The following UGT2B11 variants were observed in gnomAD, a reference collection of about 807,000 sequenced individuals.
The protein encoded by UGT2B11 is UDP glucuronosyltransferase family 2 member B11, also known as UDP-glucuronosyltransferase 2B11.
UGT2B11 carries 49 observed loss-of-function variants against 51.7 expected under a neutral mutation model. The observed-to-expected ratio is 0.95, with a 90% CI of 0.75 to 1.20. UGT2B11 has a LOEUF of 1.20. Ranked by LOEUF, UGT2B11 falls within the 50% of genes most tolerant of loss-of-function variation. The pLI, the probability that UGT2B11 is intolerant of heterozygous loss-of-function variation, is 0.00. For missense variants in UGT2B11, 810 were observed against 622.1 expected (o/e 1.30, Z -3.21); for synonymous variants, 273 against 209.0 (o/e 1.31, Z -2.64).
intron 2 of UGT2B11, among the ~76,000 whole-genome samples, chr4:69,211,630 C>A (rs534607887): frequency 5.1e-4 from 77 of 151,570 alleles, no homozygotes; most frequent in African/African-American, 1.9e-3. Flanking sequence ...CCACACAACA[C>A]AATATGAAGT....
In UGT2B11 at chr4:69,212,663, G is replaced by A. The variant is rs759583128; in HGVS notation, c.780C>T (p.Asn260=). 7.5e-6 allele frequency: 12 copies of A among 1,610,526 alleles called. No individual in the cohort carries two copies. Among genetic ancestry groups the A allele is most frequent in the African/African-American group, 1.3e-5 (1 of 74,710 alleles). ...MGKADIWLMR[N]SWSFQFPHPF... ...GATGAGGAAATTGAAAACTCCAGGA[G>A]TTTCGCATAAGCCATATGTCAGCTT... The change falls in exon 2 of 6, where the codon AAC becomes AAT. Residue 260 remains asparagine (N), a synonymous_variant. Transcript: ENST00000446444.
intron 5 of UGT2B11, among the ~76,000 whole-genome samples, chr4:69,201,665 C>G (rs939642954): frequency 6.6e-6 from 1 of 151,716 alleles, no homozygotes; most frequent in African/African-American, 2.4e-5. Flanking sequence ...GTGTCTGTCC[C>G]TTTTTGTGGC....
intron 3 of UGT2B11, 28 bp from the exon 4 acceptor site, chr4:69,205,595 C>G (rs758121600): frequency 6.2e-7 from 1 of 1,602,846 alleles, no homozygotes; most frequent in Non-Finnish European, 8.5e-7. Flanking sequence ...ATATCTTATT[C>G]CATGAGTGGA....
Position 69,214,680 on chromosome 4 carries a change from T to C in UGT2B11, c.43A>G (p.Ser15Gly), listed in dbSNP as rs746138310. ...CAACTCCCAGAGCTAAAGTAACAAC[T>C]GAGATGTATCAGCAGAAGAACTGAA... ...WTSVLLLIHL[S>G]CYFSSGSCGK... The change falls in exon 1 of 6, where the codon AGT (serine) becomes GGT (glycine). Residue 15 changes from serine to glycine, a missense_variant. By Grantham distance (56) the Ser-to-Gly change is moderately conservative. Transcript: ENST00000446444. The C allele has an allele frequency of 4.9e-5, 79 of 1,612,748 alleles. No homozygotes were observed. Among genetic ancestry groups the C allele is most frequent in the Non-Finnish European group, 6.3e-5 (74 of 1,179,188 alleles).
Position 69,214,692 on chromosome 4 carries a change from G to A in UGT2B11, c.31C>T (p.Leu11=), listed in dbSNP as rs1722210968. The change falls in exon 1 of 6, where the codon CTG becomes TTG. Residue 11 remains leucine (L), a synonymous_variant. Coordinates refer to ENST00000446444, the MANE Select transcript of UGT2B11 (RefSeq NM_001073.3). MTLKWTSVLL[L]IHLSCYFSSG... ...CTAAAGTAACAACTGAGATGTATCA[G>A]CAGAAGAACTGAAGTCCATTTCAGA... 5 of 1,612,600 alleles carry A rather than the reference G, an allele frequency of 3.1e-6. No homozygotes were observed. Among genetic ancestry groups the A allele is most frequent in the African/African-American group, 1.3e-5 (1 of 74,830 alleles).
In UGT2B11 at chr4:69,212,511, A is replaced by G. The variant is rs537300590; in HGVS notation, c.870+62T>C. On this transcript the variant is annotated intron_variant, in intron 2 of 5. Transcript: ENST00000446444. ...AAGTCAAACATTTTGAATGAAAACT[A>G]TAGACTCATTTCTACTGAAACTTCG... The G allele has an allele frequency of 1.8e-5, 29 of 1,580,514 alleles. No individual in the cohort carries two copies. The East Asian group carries it at 2.9e-4, about 16-fold the overall frequency.
chr4:69,217,474 G>A (rs1002032109), upstream of UGT2B11, among the ~76,000 whole-genome samples: 4 of 152,016 alleles, frequency 2.6e-5, no homozygotes, highest in African/African-American at 9.7e-5. Flanking sequence ...GTGTCACCCA[G>A]ATTTTCCCTT....
chr4:69,218,553 G>A (rs796688649), upstream of UGT2B11, among the ~76,000 whole-genome samples: 11 of 152,110 alleles, frequency 7.2e-5, no homozygotes, highest in South Asian at 2.3e-3. Context: ...ATAGAAGAGT[G>A]AGGACTAATA....
the UGT2B11 span, among the ~76,000 whole-genome samples, chr4:69,221,030 A>G: frequency 6.6e-6 from 1 of 152,182 alleles, no homozygotes; most frequent in Non-Finnish European, 1.5e-5. Flanking sequence ...TGGCTCCTAC[A>G]ATAAAAGGGA....
upstream of UGT2B11, among the ~76,000 whole-genome samples, chr4:69,219,148 G>T (rs1248390806): frequency 6.6e-6 from 1 of 151,458 alleles, no homozygotes; most frequent in Non-Finnish European, 1.5e-5. Context: ...AATTATGTTG[G>T]TATGAAAAAA....
chr4:69,213,069 C>G (rs925098107), intron 1 of UGT2B11, among the ~76,000 whole-genome samples: 1 of 151,314 alleles, frequency 6.6e-6, no homozygotes, highest in Admixed American at 6.6e-5. Flanking sequence ...TCTTTGAGCT[C>G]CATAATCAAT....
At chr4:69,208,936 T>G (rs1292420816) in intron 2 of UGT2B11, among the ~76,000 whole-genome samples, 1 of 151,728 alleles carries the variant, frequency 6.6e-6, no homozygotes, top group Non-Finnish European at 1.5e-5. Flanking sequence ...AAGCCATTAG[T>G]GGTCTACTTC....
At chr4:69,217,864 T>C (rs1722313165), upstream of UGT2B11, among the ~76,000 whole-genome samples, 1 of 152,112 alleles carries the variant, frequency 6.6e-6, no homozygotes, top group Admixed American at 6.6e-5. Flanking sequence ...GATGCTGGTA[T>C]TGGGCATTCC....
intron 5 of UGT2B11, among the ~76,000 whole-genome samples, chr4:69,202,462 T>A (rs1360761396): frequency 2.0e-5 from 3 of 151,738 alleles, no homozygotes; most frequent in African/African-American, 7.2e-5. Flanking sequence ...GTCTTCATGA[T>A]ATTGAATCTT....
chr4:69,213,922 A>T (rs1174786690), intron 1 of UGT2B11, 80 bp downstream of exon 1: 1 of 1,463,982 alleles, frequency 6.8e-7, no homozygotes, highest in African/African-American at 1.4e-5. Flanking sequence ...CACTTCCCTG[A>T]CTTTATGGCT....
chr4:69,214,817 A>G, upstream of UGT2B11: 1 of 1,514,732 alleles, frequency 6.6e-7, no homozygotes, highest in Non-Finnish European at 8.8e-7. Flanking sequence ...AACTCCTCCA[A>G]TCCAAAGTAA....
At chr4:69,221,041 C>T in the UGT2B11 span, among the ~76,000 whole-genome samples, 6 of 152,234 alleles carry the variant, frequency 3.9e-5, no homozygotes, top group South Asian at 1.2e-3. Context: ...ATAAAAGGGA[C>T]AATAAGGGTT....
At position 69,205,677 on chromosome 4, in the gene UGT2B11, C is replaced by G. The variant is rs143781615; in HGVS notation, c.1003-110G>C. 117 of 1,220,892 alleles carry G rather than the reference C, an allele frequency of 9.6e-5. No individual in the cohort carries two copies. The African/African-American group carries it at 1.6e-3, about 17-fold the overall frequency. The allele number at this position is 1,220,892 out of a possible 1,614,324, so 75.6% of individuals were successfully genotyped here. On this transcript the variant is annotated intron_variant, in intron 3 of 5. Coordinates refer to ENST00000446444, the MANE Select transcript of UGT2B11 (RefSeq NM_001073.3). Reference sequence around the variant, plus strand: ...GATCAAGGGATGTTAGTAAATAAATCTACTCAAAGATTGATGTAAAAAGAA... The same window carrying G: ...GATCAAGGGATGTTAGTAAATAAATGTACTCAAAGATTGATGTAAAAAGAA...
chr4:69,210,805 G>A (rs1404186782), intron 2 of UGT2B11, among the ~76,000 whole-genome samples: 1 of 151,570 alleles, frequency 6.6e-6, no homozygotes, highest in Non-Finnish European at 1.5e-5. Flanking sequence ...TAAAATTTCA[G>A]TTTTATGTAA....
Sources: gnomAD v4.1 joint callset for allele counts (sites outside exome capture counted in the v4.1 genomes callset) on GRCh38, gnomAD v4.1.1 for gene constraint, MANE v1.5 for transcripts, NCBI Gene and HGNC (gene_info 2026-07-23, HGNC 2026-07-21) for gene names.